The following ITGA2 variants were observed in gnomAD, a reference collection of about 807,000 sequenced individuals.
ITGA2 encodes the protein integrin alpha-2.
ITGA2 carries 101 observed loss-of-function variants against 146.3 expected under a neutral mutation model. The ratio of observed to expected loss-of-function variants is 0.69; its 90% CI spans 0.59 to 0.81. ITGA2 has a LOEUF of 0.81. Among genes scored for constraint, ITGA2 ranks in the 40% least tolerant of loss-of-function variants. The pLI is 0.00. For missense variants in ITGA2, 1,281 were observed against 1,402.7 expected (o/e 0.91, Z 1.39); for synonymous variants, 477 against 487.1 (o/e 0.98, Z 0.27).
At chr5:53,057,568 A>G (rs1744702186) in intron 9 of ITGA2, among the ~76,000 whole-genome samples, 1 of 151,978 alleles carries the variant, frequency 6.6e-6, no homozygotes, top group South Asian at 2.1e-4. Context: ...ACTACAGATC[A>G]ATTGCCCAGC....
chr5:53,038,270 C>A (rs183412786), intron 2 of ITGA2, among the ~76,000 whole-genome samples: 8 of 151,628 alleles, frequency 5.3e-5, no homozygotes, highest in Admixed American at 4.6e-4. Flanking sequence ...TCTCAGCAAG[C>A]CTCTCTCGGG....
rs200950834 is a variant in ITGA2, at chr5:53,045,017, A to C, written c.312A>C (p.Pro104=). Residue 104 remains proline (P), a synonymous_variant, in exon 4 of 30, where the codon CCA becomes CCC. Transcript: ENST00000296585. ...CTTTGAAAGCTTCAACAAGCATTCC[A>C]AATGTTACTGAGATGAAAACCAACA... is the stretch of plus-strand genomic sequence containing the variant. ...KLNLQTSTSI[P]NVTEMKTNMS... The C allele has an allele frequency of 6.2e-7, 1 of 1,613,688 alleles. No individual in the cohort carries two copies. The highest frequency in any genetic ancestry group is 2.2e-5 in the East Asian group (1 of 44,846).
At chr5:53,060,128 A>G (rs1744833963) in intron 11 of ITGA2, 116 bp downstream of exon 11, 1 of 1,057,174 alleles carries the variant, frequency 9.5e-7, no homozygotes, top group Non-Finnish European at 1.5e-6. Flanking sequence ...TAATTATCAT[A>G]TTTATTACAC....
Position 53,083,388 on chromosome 5 carries a change from G to C in ITGA2, c.3193G>C (p.Val1065Leu), listed in dbSNP as rs370695156. Residue 1065 changes from valine to leucine, a missense_variant, in exon 27 of 30, where the codon GTT becomes CTT. Physicochemically the swap from Val to Leu is conservative, Grantham distance 32 (BLOSUM62 1). Coordinates refer to ENST00000296585, the MANE Select transcript of ITGA2 (RefSeq NM_002203.4). ...TAATGTTACCTGCTGGTTGAAAGAC[G>C]TTCACATGAAAGGAGAATACTTTGT... ...CSNVTCWLKD[V>L]HMKGEYFVNV... 6.2e-7 allele frequency: 1 copy of C among 1,613,532 alleles called. No homozygotes were observed. Among genetic ancestry groups the C allele is most frequent in the Non-Finnish European group, 8.5e-7 (1 of 1,179,664 alleles).
chr5:53,016,326 T>C (rs1298740765), intron 1 of ITGA2, among the ~76,000 whole-genome samples: 1 of 152,222 alleles, frequency 6.6e-6, no homozygotes. Flanking sequence ...AAGATCTTAT[T>C]TCTCCTTCAC....
Position 53,092,592 on chromosome 5 carries a change from A to T in ITGA2, c.*1993A>T, listed in dbSNP as rs994507767. On this transcript the variant is annotated 3_prime_UTR_variant, in exon 30 of 30. Transcript: ENST00000296585. Reference sequence around the variant, plus strand: ...GTCCAATTCTTTTAACAGCTGTGAGAATTTGCTGCTTCATTCCAACAAAAT... The same window carrying T: ...GTCCAATTCTTTTAACAGCTGTGAGTATTTGCTGCTTCATTCCAACAAAAT... The T allele has an allele frequency of 4.0e-5, 6 of 151,652 alleles. No homozygotes were observed. The highest frequency in any genetic ancestry group is 3.9e-4 in the Admixed American group (6 of 15,228). The allele number at this position is 151,652 out of a possible 1,614,324, so 9.4% of individuals were successfully genotyped here. A position where few individuals can be genotyped will look rare whatever the true frequency, so the allele number is the denominator to read the frequency against.
At chr5:53,013,853 C>A in intron 1 of ITGA2, among the ~76,000 whole-genome samples, 1 of 151,928 alleles carries the variant, frequency 6.6e-6, no homozygotes, top group South Asian at 2.1e-4. Flanking sequence ...GTATTTTATT[C>A]TTTTTGTGGC....
At chr5:53,005,531 A>C (rs957945134) in intron 1 of ITGA2, among the ~76,000 whole-genome samples, 1 of 151,418 alleles carries the variant, frequency 6.6e-6, no homozygotes, top group South Asian at 2.1e-4. Flanking sequence ...CAATGAGCCA[A>C]GATTGCACCA....
intron 1 of ITGA2, among the ~76,000 whole-genome samples, chr5:52,990,568 GTTTT>G (rs59093202): frequency 4.9e-5 from 7 of 143,994 alleles, no homozygotes; most frequent in Admixed American, 2.0e-4. Flanking sequence ...TGTGTGTGTG[GTTTT>G]TTTTTTTTTT....
At chr5:52,997,201 A>G (rs1185702236) in intron 1 of ITGA2, among the ~76,000 whole-genome samples, 1 of 152,180 alleles carries the variant, frequency 6.6e-6, no homozygotes, top group African/African-American at 2.4e-5. Flanking sequence ...TTTCAAATAT[A>G]TTTTACTTCC....
At chr5:53,056,865 T>C (rs1272001386) in intron 9 of ITGA2, among the ~76,000 whole-genome samples, 1 of 151,740 alleles carries the variant, frequency 6.6e-6, no homozygotes, top group Non-Finnish European at 1.5e-5. Flanking sequence ...TAGTTCTTGA[T>C]GGTTAACCCG....
At position 53,026,826 on chromosome 5, in the gene ITGA2, T is replaced by A; in HGVS notation, c.143T>A (p.Phe48Tyr). 1 of 1,613,650 alleles carries A rather than the reference T, an allele frequency of 6.2e-7. No individual in the cohort carries two copies. The highest frequency in any genetic ancestry group is 8.5e-7 in the Non-Finnish European group (1 of 1,179,600). The stretch of plus-strand genomic sequence containing the variant: ...TTTTCCGGTCCTTCAAGTGAACAGT[T>A]TGGCTATGCAGTGCAGCAGTTTATA... ...KIFSGPSSEQ[F>Y]GYAVQQFINP... The change falls in exon 2 of 30, where the codon TTT becomes TAT. Residue 48 changes from phenylalanine (F) to tyrosine (Y), a missense_variant. Transcript: ENST00000296585.
Position 53,092,177 on chromosome 5 carries a change from G to A in ITGA2, c.*1578G>A, listed in dbSNP as rs867757863. ...TCTCTAGGAGAAACTTAGAGGAAAA[G>A]GGCACAGACACTACATATCTAAAGC... is the stretch of plus-strand genomic sequence containing the variant. On this transcript the variant is annotated 3_prime_UTR_variant, in exon 30 of 30. Coordinates refer to ENST00000296585, the MANE Select transcript of ITGA2 (RefSeq NM_002203.4). The A allele has an allele frequency of 6.6e-6, 1 of 152,152 alleles. No individual in the cohort carries two copies. Among genetic ancestry groups the A allele is most frequent in the Non-Finnish European group, 1.5e-5 (1 of 68,040 alleles). 9.4% of individuals were successfully genotyped at this position (152,152 alleles called of 1,614,324 possible).
chr5:53,046,595 A>AATCT (rs1227660416), intron 4 of ITGA2, among the ~76,000 whole-genome samples: 1 of 151,992 alleles, frequency 6.6e-6, no homozygotes, highest in East Asian at 1.9e-4. Flanking sequence ...CAAAATTTTT[A>AATCT]ATCTATAACT....
chr5:53,040,637 A>C (rs1743745979), intron 2 of ITGA2, among the ~76,000 whole-genome samples: 1 of 151,796 alleles, frequency 6.6e-6, no homozygotes, highest in African/African-American at 2.4e-5. Flanking sequence ...TTAGCTCATA[A>C]GAAGAAAAAA....
chr5:53,072,727 G>T, intron 19 of ITGA2, 32 bp downstream of exon 19: 1 of 1,530,664 alleles, frequency 6.5e-7, no homozygotes. Context: ...GTTGTAAAAT[G>T]TAGAAATAAA....
At chr5:53,022,221 G>GA (rs1742722879) in intron 1 of ITGA2, among the ~76,000 whole-genome samples, 2 of 148,482 alleles carry the variant, frequency 1.3e-5, no homozygotes, top group African/African-American at 2.5e-5. Flanking sequence ...TTTTTTTTTG[G>GA]GGGACAGGGT....
intron 7 of ITGA2, among the ~76,000 whole-genome samples, chr5:53,052,824 T>G (rs1359264809): frequency 6.6e-6 from 1 of 152,180 alleles, no homozygotes; most frequent in Non-Finnish European, 1.5e-5. Context: ...GAGCCCTCTC[T>G]TCTTTACTGC....
intron 2 of ITGA2, among the ~76,000 whole-genome samples, chr5:53,041,399 G>A (rs1478023902): frequency 6.6e-6 from 1 of 152,130 alleles, no homozygotes; most frequent in African/African-American, 2.4e-5. Flanking sequence ...TAATGTATTT[G>A]TTCTGTATTT....
Sources: gnomAD v4.1 joint callset for allele counts (sites outside exome capture counted in the v4.1 genomes callset) on GRCh38, gnomAD v4.1.1 for gene constraint, MANE v1.5 for transcripts, NCBI Gene and HGNC (gene_info 2026-07-23, HGNC 2026-07-21) for gene names.